Variants in FAM227B observed in about 807,000 individuals in gnomAD.
FAM227B encodes the protein protein FAM227B.
A neutral mutation model predicts 73.8 loss-of-function variants in FAM227B; 88 were observed. That is an observed-to-expected ratio of 1.19 (90% CI 1.00 to 1.42). The LOEUF is 1.42. Ranked by LOEUF, FAM227B falls within the 40% of genes most tolerant of loss-of-function variation. The pLI, the probability that FAM227B is intolerant of heterozygous loss-of-function variation, is 0.00. For synonymous variants in FAM227B, 210 were observed against 190.5 expected, an observed-to-expected ratio of 1.10 and a Z score of -0.84; for missense variants, 632 against 590.9, an observed-to-expected ratio of 1.07 and a Z score of -0.72.
chr15:49,383,635 C>A (rs775047804), intron 11 of FAM227B, among the ~76,000 whole-genome samples: 3 of 151,808 alleles, frequency 2.0e-5, no homozygotes, highest in South Asian at 2.1e-4. Context: ...TACAGTCCCA[C>A]AAAATGAAAA....
chr15:49,379,524 G>T (rs949115669), intron 11 of FAM227B, among the ~76,000 whole-genome samples: 1 of 152,148 alleles, frequency 6.6e-6, no homozygotes, highest in Admixed American at 6.5e-5. Flanking sequence ...TTGGTAGGTT[G>T]TATGTGTCTA....
intron 2 of FAM227B, among the ~76,000 whole-genome samples, chr15:49,612,421 T>A (rs1208168533): frequency 6.6e-6 from 1 of 152,196 alleles, no homozygotes; most frequent in Non-Finnish European, 1.5e-5. Context: ...GGACATGAAC[T>A]CATCATTTTT....
At chr15:49,368,870 A>G (rs1051870385) in intron 12 of FAM227B, among the ~76,000 whole-genome samples, 5 of 152,164 alleles carry the variant, frequency 3.3e-5, no homozygotes, top group Admixed American at 2.6e-4. Flanking sequence ...TTTTTCCTCT[A>G]TAAGAGTTCA....
At chr15:49,487,624 T>C (rs1215116131) in intron 11 of FAM227B, 5 of 151,830 alleles carry the variant, frequency 3.3e-5, no homozygotes, top group African/African-American at 4.8e-5. Flanking sequence ...AGCAATCCTA[T>C]AACAAGAAAA....
intron 11 of FAM227B, among the ~76,000 whole-genome samples, chr15:49,438,557 AAT>A (rs201585242): frequency 0.023 from 3,534 of 151,820 alleles, 87 homozygotes; most frequent in South Asian, 0.13. Context: ...TATAAATATT[AAT>A]ACACATTATA....
chr15:49,391,601 C>T (rs186810285), intron 11 of FAM227B, among the ~76,000 whole-genome samples: 2 of 152,178 alleles, frequency 1.3e-5, no homozygotes, highest in East Asian at 3.9e-4. Flanking sequence ...GAGAGTAATG[C>T]CCACAGGTCA....
chr15:49,375,296 T>A (rs1329150750), intron 11 of FAM227B, among the ~76,000 whole-genome samples: 1 of 152,128 alleles, frequency 6.6e-6, no homozygotes, highest in Non-Finnish European at 1.5e-5. Flanking sequence ...AACATGAAAA[T>A]TTTTTATGTT....
At chr15:49,580,948 G>T (rs773314127) in intron 5 of FAM227B, among the ~76,000 whole-genome samples, 3 of 152,018 alleles carry the variant, frequency 2.0e-5, no homozygotes, top group Admixed American at 6.6e-5. Flanking sequence ...AAAAAATAAT[G>T]AACAAAACCT....
At chr15:49,329,284 A>T in intron 15 of FAM227B, 1 of 985,492 alleles carries the variant, frequency 1.0e-6, no homozygotes, top group Non-Finnish European at 1.2e-6. Flanking sequence ...ATGGCAAATG[A>T]CTGGCTTTCT....
chr15:49,489,634 T>C (rs370260552), intron 11 of FAM227B, among the ~76,000 whole-genome samples: 1 of 150,598 alleles, frequency 6.6e-6, no homozygotes, highest in Non-Finnish European at 1.5e-5. Context: ...TGTTTTGTTC[T>C]AGATGCTGAA....
intron 3 of FAM227B, among the ~76,000 whole-genome samples, chr15:49,602,365 TAG>T (rs1491082052): frequency 7.1e-6 from 1 of 139,924 alleles, no homozygotes; most frequent in East Asian, 2.0e-4. Flanking sequence ...TATGTCACTA[TAG>T]TTTAGATTTG....
chr15:49,399,576 T>G (rs1282929214), intron 11 of FAM227B, among the ~76,000 whole-genome samples: 1 of 149,596 alleles, frequency 6.7e-6, no homozygotes, highest in African/African-American at 2.4e-5. Flanking sequence ...ATATCCTTGA[T>G]GAACATTGAT....
chr15:49,374,273 G>A (rs547265632), intron 11 of FAM227B, among the ~76,000 whole-genome samples: 8 of 152,186 alleles, frequency 5.3e-5, no homozygotes, highest in South Asian at 2.1e-4. Flanking sequence ...CAGAATTCCC[G>A]AGATTTTTAG....
chr15:49,567,302 AC>A, intron 9 of FAM227B, among the ~76,000 whole-genome samples: 1 of 83,558 alleles, frequency 1.2e-5, no homozygotes, highest in Non-Finnish European at 3.6e-5. Flanking sequence ...AATAATCAAG[AC>A]CTAATCAACC....
At chr15:49,599,752 T>A (rs2077077410) in intron 3 of FAM227B, among the ~76,000 whole-genome samples, 1 of 152,200 alleles carries the variant, frequency 6.6e-6, no homozygotes, top group South Asian at 2.1e-4. Context: ...TAGTTTAATA[T>A]TATTGTGGTC....
intron 10 of FAM227B, among the ~76,000 whole-genome samples, chr15:49,539,462 G>A (rs1231581243): frequency 1.3e-5 from 2 of 152,194 alleles, no homozygotes; most frequent in African/African-American, 2.4e-5. Flanking sequence ...CCAGGATTTG[G>A]AGTATGAGTA....
chr15:49,380,480 A>G (rs2046452912), intron 11 of FAM227B, among the ~76,000 whole-genome samples: 1 of 152,234 alleles, frequency 6.6e-6, no homozygotes, highest in African/African-American at 2.4e-5. Context: ...TATATTTAAT[A>G]AAATGTAATA....
At chr15:49,457,395 A>G (rs1478214261) in intron 11 of FAM227B, among the ~76,000 whole-genome samples, 1 of 152,058 alleles carries the variant, frequency 6.6e-6, no homozygotes, top group Non-Finnish European at 1.5e-5. Context: ...TTTAAAAAGC[A>G]TTCAAATTTC....
Position 49,568,316 on chromosome 15 carries a change from C to G in FAM227B, c.676G>C (p.Asp226His), listed in dbSNP as rs750848770. ...PDRENQDCLF[D>H]RISESYVTLF... ...GTCACATAACTTTCTGAAATTCTATCGAATAAGCAATCTTGGTTTTCTCTG... is the reference window on the plus strand; with the variant it reads ...GTCACATAACTTTCTGAAATTCTATGGAATAAGCAATCTTGGTTTTCTCTG... The change falls in exon 9 of 16, where the codon GAT becomes CAT. Residue 226 changes from aspartate (D) to histidine (H), a missense_variant. Coordinates refer to ENST00000299338, the MANE Select transcript of FAM227B (RefSeq NM_152647.3). 4.3e-6 allele frequency: 7 copies of G among 1,610,238 alleles called. No homozygotes were observed. In the Admixed American group the frequency reaches 1.2e-4, roughly 27 times the overall value.
Sources: allele counts gnomAD v4.1 joint callset (sites outside exome capture counted in the v4.1 genomes callset), GRCh38; gene constraint gnomAD v4.1.1; transcripts MANE v1.5; gene names NCBI Gene and HGNC (gene_info 2026-07-23, HGNC 2026-07-21).